The following ZCCHC4 variants were observed in gnomAD, a reference collection of about 807,000 sequenced individuals.
The protein encoded by ZCCHC4 is rRNA N(6)-adenosine-methyltransferase ZCCHC4.
A neutral mutation model predicts 67.7 loss-of-function variants in ZCCHC4; 54 were observed. The observed-to-expected ratio is 0.80, with a 90% CI of 0.64 to 1.00. The LOEUF (loss-of-function observed/expected upper bound fraction) is 1.00, where lower values mean the gene tolerates loss of function less well. Ranked by LOEUF, ZCCHC4 falls within the 50% of genes least tolerant of loss-of-function variation. The pLI is 0.00. For missense variants in ZCCHC4, 609 were observed against 617.0 expected, an observed-to-expected ratio of 0.99 and a Z score of 0.14; for synonymous variants, 198 against 213.5, an observed-to-expected ratio of 0.93 and a Z score of 0.63.
chr4:25,314,301 G>C, intron 2 of ZCCHC4, 137 bp downstream of exon 2: 1 of 591,354 alleles, frequency 1.7e-6, no homozygotes, highest in Non-Finnish European at 3.0e-6. Flanking sequence ...TACTATGTTT[G>C]TTGGTTCAGA....
At chr4:25,318,967 T>C (rs1051739046) in intron 3 of ZCCHC4, among the ~76,000 whole-genome samples, 35 of 152,166 alleles carry the variant, frequency 2.3e-4, no homozygotes, top group African/African-American at 8.4e-4. Flanking sequence ...ATTCATTCAT[T>C]CAGTAGGTAT....
At chr4:25,317,924 T>C (rs1319281819) in intron 3 of ZCCHC4, among the ~76,000 whole-genome samples, 1 of 152,186 alleles carries the variant, frequency 6.6e-6, no homozygotes, top group African/African-American at 2.4e-5. Context: ...AGATTGTTTT[T>C]AAATGTAAAA....
intron 7 of ZCCHC4, among the ~76,000 whole-genome samples, chr4:25,350,779 G>A (rs945633187): frequency 6.6e-6 from 1 of 152,156 alleles, no homozygotes; most frequent in Non-Finnish European, 1.5e-5. Context: ...ACTAATTAGA[G>A]TGGATAAAGT....
At chr4:25,342,289 T>C (rs1379812932) in intron 5 of ZCCHC4, among the ~76,000 whole-genome samples, 1 of 152,160 alleles carries the variant, frequency 6.6e-6, no homozygotes, top group Non-Finnish European at 1.5e-5. Context: ...CTGCATAGTA[T>C]AGAGTGACAG....
chr4:25,356,093 C>T (rs1026769795), intron 8 of ZCCHC4, among the ~76,000 whole-genome samples: 1 of 152,156 alleles, frequency 6.6e-6, no homozygotes. Context: ...AAGACATTTG[C>T]GTATAGATAA....
intron 3 of ZCCHC4, among the ~76,000 whole-genome samples, 165 bp from the exon 4 acceptor site, chr4:25,333,018 C>A (rs985174226): frequency 6.6e-6 from 1 of 152,212 alleles, no homozygotes; most frequent in Non-Finnish European, 1.5e-5. Flanking sequence ...TGCAGCCAGA[C>A]ATAAATTCTA....
Position 25,317,728 on chromosome 4 carries a change from AAAG to A in ZCCHC4, c.329+2331_329+2333del, listed in dbSNP as rs1363586343. Among the ~76,000 whole-genome samples the A allele has an allele frequency of 7.8e-3, 982 of 126,576 alleles. 44 individuals are homozygous for A. Among genetic ancestry groups the A allele is most frequent in the South Asian group, 0.012 (50 of 4,046 alleles). 83.0% of individuals were successfully genotyped at this position (126,576 alleles called of 152,430 possible). On this transcript the variant is annotated intron_variant, in intron 3 of 12. Coordinates refer to ENST00000302874, the MANE Select transcript of ZCCHC4 (RefSeq NM_024936.3). ...ACAAAAAAAAAAAAAAAAAAAAAAG[AAAG>A]AAAAGAAAATGGAGCACTACTGTGA...
intron 8 of ZCCHC4, 69 bp from the exon 9 acceptor site, chr4:25,361,790 T>A: frequency 6.9e-7 from 1 of 1,449,076 alleles, no homozygotes; most frequent in Non-Finnish European, 9.4e-7. Context: ...GTTCGTTTAT[T>A]GGTTAAAGAA....
In ZCCHC4 at chr4:25,312,945, G is replaced by C. The variant is rs1411658227; in HGVS notation, c.127+9G>C. Reference sequence around the variant, plus strand: ...CCCGCTGTGCCCTCACGGTGGGTCAGAGTCTGGGCTCAGCCTAACTGCCGG... The same window carrying C: ...CCCGCTGTGCCCTCACGGTGGGTCACAGTCTGGGCTCAGCCTAACTGCCGG... On this transcript the variant is annotated intron_variant, in intron 1 of 12. Coordinates refer to ENST00000302874, the MANE Select transcript of ZCCHC4 (RefSeq NM_024936.3). 1 of 1,611,298 alleles carries C rather than the reference G, an allele frequency of 6.2e-7. No individual in the cohort carries two copies. Among genetic ancestry groups the C allele is most frequent in the Non-Finnish European group, 8.5e-7 (1 of 1,179,858 alleles).
At chr4:25,321,706 G>T (rs530828591) in intron 3 of ZCCHC4, among the ~76,000 whole-genome samples, 14 of 151,938 alleles carry the variant, frequency 9.2e-5, no homozygotes, top group African/African-American at 3.1e-4. Flanking sequence ...AGAGATGGGG[G>T]TTCTCAATAT....
chr4:25,336,408 A>G (rs1719462553), intron 5 of ZCCHC4, among the ~76,000 whole-genome samples: 1 of 152,164 alleles, frequency 6.6e-6, no homozygotes, highest in Non-Finnish European at 1.5e-5. Context: ...TTCCTAAAGT[A>G]TTAAATTATT....
chr4:25,321,276 C>T (rs2109051618), intron 3 of ZCCHC4, among the ~76,000 whole-genome samples: 1 of 151,078 alleles, frequency 6.6e-6, no homozygotes, highest in African/African-American at 2.4e-5. Flanking sequence ...TTTTTGGAGG[C>T]AGAGTTTCAT....
At position 25,312,819 on chromosome 4, in the gene ZCCHC4, T is replaced by A. The variant is rs780340161; in HGVS notation, c.10T>A (p.Ser4Thr). Residue 4 changes from serine (S) to threonine (T), a missense_variant, in exon 1 of 13, where the codon TCC (serine) becomes ACC (threonine). Transcript: ENST00000302874. ...GGACGGCGGCGGGAAGATGGCGGCC[T>A]CCAGGAATGGGTTTGAAGCCGTGGA... MAASRNGFEAVEAE... is the reference protein window; with the variant it reads MAATRNGFEAVEAE... The A allele has an allele frequency of 1.9e-6, 3 of 1,613,178 alleles. No individual in the cohort carries two copies. Among genetic ancestry groups the A allele is most frequent in the Admixed American group, 3.3e-5 (2 of 60,024 alleles).
intron 10 of ZCCHC4, among the ~76,000 whole-genome samples, chr4:25,362,797 C>A (rs543040128): frequency 6.6e-6 from 1 of 152,298 alleles, no homozygotes; most frequent in African/African-American, 2.4e-5. Context: ...TGAAGGACTG[C>A]AAAGGGACAT....
At chr4:25,323,996 G>A (rs1718718862) in intron 3 of ZCCHC4, among the ~76,000 whole-genome samples, 1 of 67,476 alleles carries the variant, frequency 1.5e-5, no homozygotes, top group South Asian at 4.1e-4. Context: ...TAATCGTACA[G>A]TATGTACTGT....
At chr4:25,360,673 T>G (rs956084498) in intron 8 of ZCCHC4, among the ~76,000 whole-genome samples, 1 of 152,208 alleles carries the variant, frequency 6.6e-6, no homozygotes, top group African/African-American at 2.4e-5. Flanking sequence ...TACAAGTCCC[T>G]TAGCAGCAGA....
At chr4:25,324,831 A>C (rs929710126) in intron 3 of ZCCHC4, among the ~76,000 whole-genome samples, 8 of 152,126 alleles carry the variant, frequency 5.3e-5, no homozygotes, top group Non-Finnish European at 1.0e-4. Context: ...TTTTTGTATT[A>C]TCTTTGGAGA....
chr4:25,345,597 A>T lies in ZCCHC4; in HGVS notation c.736A>T (p.Asn246Tyr), dbSNP rs1363017846. The T allele has an allele frequency of 1.9e-6, 3 of 1,568,504 alleles. No homozygotes were observed. Among genetic ancestry groups the T allele is most frequent in the Non-Finnish European group, 2.6e-6 (3 of 1,142,940 alleles). ...TAGCTTTTGCCATTATAATATGTTT[A>T]ACCATCATTTCTTTGATGGAAAGGT... is the stretch of plus-strand genomic sequence containing the variant. ...EDSFCHYNMF[N>Y]HHFFDGKTAL... Residue 246 changes from asparagine (N) to tyrosine (Y), a missense_variant, in exon 6 of 13, where the codon AAC (asparagine) becomes TAC (tyrosine). Physicochemically the swap from Asn to Tyr is moderately radical, Grantham distance 143. Transcript: ENST00000302874.
Position 25,321,662 on chromosome 4 carries a change from G to A in ZCCHC4, c.329+6262G>A, listed in dbSNP as rs369668292. ...TGCTGGGATTACAGGTGTGTGCCAC[G>A]GCGCCTGGCTGGCTAGTGTTTTAAA... On this transcript the variant is annotated intron_variant, in intron 3 of 12. Coordinates refer to ENST00000302874, the MANE Select transcript of ZCCHC4 (RefSeq NM_024936.3). Among the ~76,000 whole-genome samples the A allele has an allele frequency of 3.0e-4, 46 of 152,008 alleles. No homozygotes were observed. In the East Asian group the frequency reaches 6.4e-3, roughly 21 times the overall value.
Sources: gnomAD v4.1 joint callset for allele counts (sites outside exome capture counted in the v4.1 genomes callset) on GRCh38, gnomAD v4.1.1 for gene constraint, MANE v1.5 for transcripts, NCBI Gene and HGNC (gene_info 2026-07-23, HGNC 2026-07-21) for gene names.